CNTN5: variants seen among roughly 807,000 people sequenced by gnomAD.
CNTN5 encodes the protein contactin 5, also known as contactin-5.
In CNTN5, 77 loss-of-function variants were observed where a neutral mutation model predicts 129.1. The ratio of observed to expected loss-of-function variants is 0.60; its 90% CI spans 0.50 to 0.72. CNTN5 has a LOEUF of 0.72. CNTN5 is among the 30% of genes least tolerant of loss of function. CNTN5 has a pLI of 0.00. For missense variants in CNTN5, 1,478 were observed against 1,328.8 expected (o/e 1.11, Z -1.75); for synonymous variants, 509 against 465.6 (o/e 1.09, Z -1.20).
chr11:99,261,398 A>G (rs1264717067), intron 1 of CNTN5, among the ~76,000 whole-genome samples: 1 of 152,020 alleles, frequency 6.6e-6, no homozygotes, highest in East Asian at 1.9e-4. Context: ...ATTGTTTAAA[A>G]TGTTTGCTTT....
intron 15 of CNTN5, among the ~76,000 whole-genome samples, chr11:100,207,286 T>C (rs1948937459): frequency 1.3e-5 from 2 of 152,292 alleles, no homozygotes; most frequent in African/African-American, 4.8e-5. Context: ...TAATGTTTAA[T>C]TGAATTCAAC....
rs1403095045 is a variant in CNTN5, at chr11:100,161,897, AC to A, written c.1581-29228del. Among the ~76,000 whole-genome samples, 44 of 150,448 alleles carry A rather than the reference AC, an allele frequency of 2.9e-4. 2 individuals are homozygous for A. Among genetic ancestry groups the A allele is most frequent in the African/African-American group, 1.0e-3 (42 of 40,458 alleles). ...CAAAACAAAAAACAAAAAACAAAAA[AC>A]ACACCTAAGCATTGACTGGTCTTGG... On this transcript the variant is annotated intron_variant, in intron 13 of 24. Coordinates refer to ENST00000524871, the MANE Select transcript of CNTN5 (RefSeq NM_014361.4).
At chr11:99,279,317 C>G (rs1863589554) in intron 1 of CNTN5, among the ~76,000 whole-genome samples, 1 of 151,792 alleles carries the variant, frequency 6.6e-6, no homozygotes, top group Non-Finnish European at 1.5e-5. Context: ...AAGACACTTT[C>G]TTTTCATTAG....
chr11:99,206,921 GTTTA>G (rs1859514216), intron 1 of CNTN5, among the ~76,000 whole-genome samples: 1 of 151,940 alleles, frequency 6.6e-6, no homozygotes, highest in South Asian at 2.1e-4. Context: ...TTCTATTCTG[GTTTA>G]TTATTTCATC....
intron 10 of CNTN5, among the ~76,000 whole-genome samples, chr11:100,068,931 T>C (rs964913003): frequency 6.6e-6 from 1 of 152,156 alleles, no homozygotes; most frequent in Non-Finnish European, 1.5e-5. Context: ...TGAGTCAAAA[T>C]CTGATTCATA....
At chr11:100,000,903 C>T (rs1045554974) in intron 8 of CNTN5, among the ~76,000 whole-genome samples, 7 of 152,168 alleles carry the variant, frequency 4.6e-5, no homozygotes, top group Admixed American at 3.3e-4. Flanking sequence ...CCCCTTTTAG[C>T]CATGGCTGGA....
chr11:99,526,859 C>T (rs1322113025), intron 2 of CNTN5, among the ~76,000 whole-genome samples: 1 of 152,194 alleles, frequency 6.6e-6, no homozygotes, highest in African/African-American at 2.4e-5. Flanking sequence ...GAAAAGTACA[C>T]TGCTGCTAGA....
At chr11:99,617,717 C>T (rs1950804903) in intron 3 of CNTN5, among the ~76,000 whole-genome samples, 2 of 152,054 alleles carry the variant, frequency 1.3e-5, no homozygotes, top group Non-Finnish European at 2.9e-5. Context: ...AAGAACTTAA[C>T]ACATGAAGAC....
At chr11:100,273,102 C>A (rs1023955100) in intron 18 of CNTN5, among the ~76,000 whole-genome samples, 11 of 152,264 alleles carry the variant, frequency 7.2e-5, no homozygotes, top group African/African-American at 2.4e-4. Flanking sequence ...CCTTAGTCTG[C>A]TGGCCTCTCC....
intron 3 of CNTN5, among the ~76,000 whole-genome samples, chr11:99,742,270 A>G (rs1591075126): frequency 1.3e-5 from 2 of 152,182 alleles, no homozygotes; most frequent in Admixed American, 1.3e-4. Flanking sequence ...GCAAAAAGTC[A>G]GAATGGCAAT....
chr11:100,303,381 A>G (rs1429555271), intron 20 of CNTN5, among the ~76,000 whole-genome samples: 1 of 151,636 alleles, frequency 6.6e-6, no homozygotes, highest in East Asian at 1.9e-4. Flanking sequence ...TAAAAAATTA[A>G]ATTGGCTTTT....
At chr11:99,244,803 G>A (rs747688578) in intron 1 of CNTN5, among the ~76,000 whole-genome samples, 2 of 152,102 alleles carry the variant, frequency 1.3e-5, no homozygotes, top group Admixed American at 1.3e-4. Context: ...TCACCACATG[G>A]TGACTCAATA....
intron 9 of CNTN5, among the ~76,000 whole-genome samples, chr11:100,022,187 C>A (rs1198255285): frequency 1.3e-5 from 2 of 152,148 alleles, no homozygotes; most frequent in Non-Finnish European, 2.9e-5. Flanking sequence ...TAATATTAAC[C>A]ATCACAGCAT....
chr11:99,536,333 T>C (rs1248885619), intron 2 of CNTN5, among the ~76,000 whole-genome samples: 3 of 152,084 alleles, frequency 2.0e-5, no homozygotes, highest in Non-Finnish European at 2.9e-5. Context: ...ACATATATAA[T>C]ATTTTGGAAT....
intron 2 of CNTN5, among the ~76,000 whole-genome samples, chr11:99,444,650 T>C (rs1417654122): frequency 6.6e-6 from 1 of 152,164 alleles, no homozygotes; most frequent in African/African-American, 2.4e-5. Flanking sequence ...CTTAATCTTC[T>C]TTTATCTGAA....
At chr11:99,547,182 T>C (rs1242194188) in intron 2 of CNTN5, among the ~76,000 whole-genome samples, 1 of 152,038 alleles carries the variant, frequency 6.6e-6, no homozygotes, top group Non-Finnish European at 1.5e-5. Context: ...TTTGTATTTT[T>C]TTAGTAGAGA....
intron 1 of CNTN5, among the ~76,000 whole-genome samples, chr11:99,065,146 A>G (rs1300500625): frequency 1.3e-5 from 2 of 148,764 alleles, no homozygotes; most frequent in East Asian, 1.9e-4. Context: ...TTTTTTAATT[A>G]AATGCCTGTT....
chr11:99,578,270 C>A (rs373564221), intron 3 of CNTN5, among the ~76,000 whole-genome samples: 5 of 151,868 alleles, frequency 3.3e-5, no homozygotes, highest in East Asian at 1.9e-4. Flanking sequence ...GCTATTGTGA[C>A]TAGTGCCACA....
chr11:100,074,385 G>A, intron 13 of CNTN5, 91 bp downstream of exon 13: 1 of 1,074,106 alleles, frequency 9.3e-7, no homozygotes, highest in Non-Finnish European at 1.4e-6. Context: ...GAGTCTTGCA[G>A]TACCGTGAGA....
Sources: allele counts gnomAD v4.1 joint callset (sites outside exome capture counted in the v4.1 genomes callset), GRCh38; gene constraint gnomAD v4.1.1; transcripts MANE v1.5; gene names NCBI Gene and HGNC (gene_info 2026-07-23, HGNC 2026-07-21).